Variants in PLAA observed in about 807,000 individuals in gnomAD.
The protein encoded by PLAA is phospholipase A-2-activating protein.
PLAA carries 48 observed loss-of-function variants against 84.1 expected under a neutral mutation model. That is an observed-to-expected ratio of 0.57 (90% CI 0.45 to 0.73). The LOEUF (loss-of-function observed/expected upper bound fraction) is 0.73, where lower values mean the gene tolerates loss of function less well. Among genes scored for constraint, PLAA ranks in the 30% least tolerant of loss-of-function variants. PLAA has a pLI of 0.00. For missense variants in PLAA, 903 were observed against 954.7 expected, an observed-to-expected ratio of 0.95 and a Z score of 0.71; for synonymous variants, 392 against 336.6, an observed-to-expected ratio of 1.16 and a Z score of -1.80.
At chr9:26,938,878 T>C (rs149459799) in intron 1 of PLAA, among the ~76,000 whole-genome samples, 4 of 152,300 alleles carry the variant, frequency 2.6e-5, no homozygotes, top group African/African-American at 9.6e-5. Context: ...TTACTTTATG[T>C]TTTTAGGACA....
chr9:26,934,336 C>T (rs192510628), intron 2 of PLAA, among the ~76,000 whole-genome samples: 8 of 152,182 alleles, frequency 5.3e-5, no homozygotes, highest in Non-Finnish European at 1.2e-4. Flanking sequence ...AATACCAGAG[C>T]CCTAAACACA....
intron 2 of PLAA, among the ~76,000 whole-genome samples, chr9:26,934,055 C>T (rs1244116962): frequency 3.3e-5 from 5 of 152,112 alleles, no homozygotes; most frequent in South Asian, 2.1e-4. Flanking sequence ...GCAATCCTCC[C>T]GTCTTAGCCT....
At position 26,916,168 on chromosome 9, in the gene PLAA, T is replaced by C. The variant is rs551454171; in HGVS notation, c.1486+929A>G. On this transcript the variant is annotated intron_variant, in intron 10 of 13. Transcript: ENST00000397292. Reference sequence around the variant, plus strand: ...ACAACTTCATGATGCTGACCTAACGTTGTATGTTTGTCCAATCTCTATGAC... The same window carrying C: ...ACAACTTCATGATGCTGACCTAACGCTGTATGTTTGTCCAATCTCTATGAC... The C allele has an allele frequency of 1.2e-5, 12 of 983,912 alleles. No homozygotes were observed. The African/African-American group carries it at 1.6e-4, about 13-fold the overall frequency. 60.9% of individuals were successfully genotyped at this position (983,912 alleles called of 1,614,324 possible). A position where few individuals can be genotyped will look rare whatever the true frequency, so the allele number is the denominator to read the frequency against.
chr9:26,916,797 C>A, intron 10 of PLAA: 1 of 459,476 alleles, frequency 2.2e-6, no homozygotes, highest in Non-Finnish European at 3.0e-6. Flanking sequence ...AATTTTGAAC[C>A]AAGGTTTGTC....
At chr9:26,925,312 T>G (rs1434611592) in intron 6 of PLAA, among the ~76,000 whole-genome samples, 1 of 152,226 alleles carries the variant, frequency 6.6e-6, no homozygotes, top group African/African-American at 2.4e-5. Flanking sequence ...AAAAAATGCC[T>G]GGCATGAAAG....
Position 26,940,269 on chromosome 9 carries a change from T to C in PLAA, c.150-5063A>G, listed in dbSNP as rs377400144. On this transcript the variant is annotated intron_variant, in intron 1 of 13. Coordinates refer to ENST00000397292, the MANE Select transcript of PLAA (RefSeq NM_001031689.3). ...TGGCATCAACCTAAGTGTCCATCAA[T>C]GGATGAATAAACAAAATGTGGTATA... Among the ~76,000 whole-genome samples, 7 of 152,238 alleles carry C rather than the reference T, an allele frequency of 4.6e-5. No individual in the cohort carries two copies. The South Asian group carries it at 6.2e-4, about 14-fold the overall frequency.
chr9:26,933,648 G>A (rs1470804998), intron 2 of PLAA, among the ~76,000 whole-genome samples: 2 of 151,318 alleles, frequency 1.3e-5, no homozygotes, highest in Non-Finnish European at 3.0e-5. Context: ...AATTAGCCGG[G>A]CGTGGTAGCA....
In PLAA at chr9:26,904,888, G is replaced by C. The variant is rs1824180157; in HGVS notation, c.*623C>G. 6.6e-6 allele frequency: 1 copy of C among 152,188 alleles called. No individual in the cohort carries two copies. Among genetic ancestry groups the C allele is most frequent in the African/African-American group, 2.4e-5 (1 of 41,424 alleles). The allele number at this position is 152,188 out of a possible 1,614,324, so 9.4% of individuals were successfully genotyped here. ...AGTTAAATTGAGACCTCGTCTGTCTGAACTGATACATGACTAACACAGCTT... is the reference window on the plus strand; with the variant it reads ...AGTTAAATTGAGACCTCGTCTGTCTCAACTGATACATGACTAACACAGCTT... On this transcript the variant is annotated 3_prime_UTR_variant, in exon 14 of 14. Transcript: ENST00000397292.
At position 26,904,081 on chromosome 9, in the gene PLAA, G is replaced by T. The variant is rs1027836485; in HGVS notation, c.*1430C>A. 1.3e-5 allele frequency: 2 copies of T among 153,302 alleles called. No homozygotes were observed. Among genetic ancestry groups the T allele is most frequent in the African/African-American group, 4.8e-5 (2 of 41,422 alleles). The allele number at this position is 153,302 out of a possible 1,614,324, so 9.5% of individuals were successfully genotyped here. On this transcript the variant is annotated 3_prime_UTR_variant, in exon 14 of 14. Transcript: ENST00000397292. ...AATATTTAGTCCAGGTACACACCAG[G>T]TAGTTCCAATTTAATACTCAGCAAA...
intron 13 of PLAA, among the ~76,000 whole-genome samples, chr9:26,907,093 C>T (rs943539005): frequency 7.8e-6 from 1 of 128,928 alleles, no homozygotes; most frequent in Non-Finnish European, 1.7e-5. Context: ...AAAAAAATAA[C>T]AGGCAAGGAC....
Position 26,917,157 on chromosome 9 carries a change from G to A in PLAA, c.1426C>T (p.Arg476Trp), listed in dbSNP as rs754016270. 6.2e-6 allele frequency: 10 copies of A among 1,613,656 alleles called. No homozygotes were observed. Among genetic ancestry groups the A allele is most frequent in the South Asian group, 3.3e-5 (3 of 91,030 alleles). The change falls in exon 10 of 14, where the codon CGG (arginine) becomes TGG (tryptophan). Residue 476 changes from arginine to tryptophan, a missense_variant. Coordinates refer to ENST00000397292, the MANE Select transcript of PLAA (RefSeq NM_001031689.3). Reference sequence around the variant, plus strand: ...GATCCCGAAGAGCCCGGAACATACCGACCACCACCTGTGCATGCAAAATAA... The same window carrying A: ...GATCCCGAAGAGCCCGGAACATACCAACCACCACCTGTGCATGCAAAATAA... ...SFSDPFTGGG[R>W]YVPGSSGSSN... is the part of the protein sequence containing the mutation.
At chr9:26,939,240 T>C (rs10967612) in intron 1 of PLAA, among the ~76,000 whole-genome samples, 12,926 of 151,548 alleles carry the variant, frequency 0.085, 1,392 homozygotes, top group East Asian at 0.58. Context: ...TACAAAAAAT[T>C]AGCCAGGTGT....
chr9:26,911,894 C>T (rs925047977), intron 11 of PLAA, among the ~76,000 whole-genome samples: 1 of 152,104 alleles, frequency 6.6e-6, no homozygotes, highest in Non-Finnish European at 1.5e-5. Flanking sequence ...AAAGACGAAA[C>T]ACTTAGTGAG....
At chr9:26,934,331 C>G (rs1202111823) in intron 2 of PLAA, among the ~76,000 whole-genome samples, 2 of 152,016 alleles carry the variant, frequency 1.3e-5, no homozygotes, top group Non-Finnish European at 1.5e-5. Flanking sequence ...TCAATAATAC[C>G]AGAGCCCTAA....
chr9:26,906,066 A>G lies in PLAA; in HGVS notation c.1833T>C (p.Phe611=). ...ACAACCGAAGAATGTCAAGTGCAGG[A>G]AAGACAATATCTATTAAAAAAAAAA... is the stretch of plus-strand genomic sequence containing the variant. ...KAINCPEDIV[F]PALDILRLSI... The change falls in exon 14 of 14, where the codon TTT becomes TTC. Residue 611 remains phenylalanine (F), a synonymous_variant. Transcript: ENST00000397292. 8.5e-6 allele frequency: 13 copies of G among 1,537,140 alleles called. No homozygotes were observed. Among genetic ancestry groups the G allele is most frequent in the Non-Finnish European group, 1.1e-5 (13 of 1,141,418 alleles).
At chr9:26,940,960 C>A (rs1240477655) in intron 1 of PLAA, among the ~76,000 whole-genome samples, 1 of 152,088 alleles carries the variant, frequency 6.6e-6, no homozygotes, top group East Asian at 1.9e-4. Flanking sequence ...ACCACTAAAT[C>A]TACCCACTAT....
At chr9:26,916,298 G>C in intron 10 of PLAA, 1 of 985,312 alleles carries the variant, frequency 1.0e-6, no homozygotes, top group Non-Finnish European at 1.2e-6. Flanking sequence ...GTATACTGTC[G>C]AGGAACTCTG....
chr9:26,905,468 A>G lies in PLAA; in HGVS notation c.*43T>C. ...ATCAGTCATGTCAAATGTGAGGAAA[A>G]AAACACTAATCAATTAAAAATATCC... On this transcript the variant is annotated 3_prime_UTR_variant, in exon 14 of 14. Transcript: ENST00000397292. 7.2e-7 allele frequency: 1 copy of G among 1,382,914 alleles called. No individual in the cohort carries two copies. Among genetic ancestry groups the G allele is most frequent in the African/African-American group, 1.4e-5 (1 of 69,122 alleles). The allele number at this position is 1,382,914 out of a possible 1,614,324, so 85.7% of individuals were successfully genotyped here. A position where few individuals can be genotyped will look rare whatever the true frequency, so the allele number is the denominator to read the frequency against.
chr9:26,933,402 A>G (rs910021795), intron 2 of PLAA, among the ~76,000 whole-genome samples: 1 of 151,976 alleles, frequency 6.6e-6, no homozygotes, highest in Admixed American at 6.5e-5. Context: ...CGAGATCACA[A>G]GATCACACCA....
Sources: allele counts gnomAD v4.1 joint callset (sites outside exome capture counted in the v4.1 genomes callset), GRCh38; gene constraint gnomAD v4.1.1; transcripts MANE v1.5; gene names NCBI Gene and HGNC (gene_info 2026-07-23, HGNC 2026-07-21).